ETS1: variants seen among roughly 807,000 people sequenced by gnomAD.
ETS1 encodes protein C-ets-1.
In ETS1, 15 loss-of-function variants were observed where a neutral mutation model predicts 58.6. The ratio of observed to expected loss-of-function variants is 0.26; its 90% confidence interval spans 0.17 to 0.39. ETS1 has a LOEUF of 0.39. ETS1 is among the 10% of genes least tolerant of loss of function. The probability of loss-of-function intolerance (pLI) is 1.00; values close to 1 mark genes in which losing one functional copy is unlikely to be tolerated. For missense variants in ETS1, 417 were observed against 610.5 expected, an observed-to-expected ratio of 0.68 and a Z score of 3.34; for synonymous variants, 214 against 218.2, an observed-to-expected ratio of 0.98 and a Z score of 0.17.
intron 2 of ETS1, among the ~76,000 whole-genome samples, chr11:128,570,525 A>ATTACAG (rs1864606239): frequency 1.3e-5 from 2 of 152,168 alleles, no homozygotes; most frequent in Non-Finnish European, 2.9e-5. Context: ...TACAGGTGTG[A>ATTACAG]GCCACTGAGC....
intron 3 of ETS1, among the ~76,000 whole-genome samples, chr11:128,542,119 C>A (rs984907530): frequency 6.6e-6 from 1 of 152,140 alleles, no homozygotes; most frequent in Admixed American, 6.5e-5. Context: ...ATCACAGTAC[C>A]CCCTACACCT....
At chr11:128,501,873 C>G (rs150800658) in intron 3 of ETS1, among the ~76,000 whole-genome samples, 53 of 152,318 alleles carry the variant, frequency 3.5e-4, no homozygotes, top group African/African-American at 1.3e-3. Flanking sequence ...TGGTCTCCCA[C>G]TTGTGGAGCC....
intron 1 of ETS1, among the ~76,000 whole-genome samples, chr11:128,582,309 A>C (rs944401016): frequency 6.6e-6 from 1 of 152,240 alleles, no homozygotes; most frequent in Non-Finnish European, 1.5e-5. Flanking sequence ...TATAAAATGC[A>C]GGTAATAATA....
chr11:128,551,757 T>A (rs1457210457), intron 3 of ETS1, among the ~76,000 whole-genome samples: 1 of 152,152 alleles, frequency 6.6e-6, no homozygotes, highest in Non-Finnish European at 1.5e-5. Context: ...GAAACCCAGT[T>A]TGGACTCCCA....
chr11:128,522,821 C>T (rs960872069), intron 3 of ETS1, among the ~76,000 whole-genome samples: 1 of 152,186 alleles, frequency 6.6e-6, no homozygotes, highest in African/African-American at 2.4e-5. Flanking sequence ...AGCGTGCAGG[C>T]AGGCGCAGGG....
rs150139005 is a variant in ETS1 at position 128,580,520 on chromosome 11, C to T, written c.-15+6968G>A. On this transcript the variant is annotated intron_variant, in intron 1 of 9. Coordinates refer to ENST00000392668, the MANE Select transcript of ETS1 (RefSeq NM_001143820.2). ...CCCCATGGAAACTTTGTGGTTACAA[C>T]GCATAGAAAAGAAAAAGGATTAGAA... 7.9e-5 allele frequency among the ~76,000 whole-genome samples: 12 copies of T among 152,246 alleles called. No individual in the cohort carries two copies. The East Asian group carries it at 2.3e-3, about 29-fold the overall frequency.
chr11:128,510,678 C>G (rs545102674), intron 3 of ETS1, among the ~76,000 whole-genome samples: 12 of 152,330 alleles, frequency 7.9e-5, no homozygotes, highest in Non-Finnish European at 1.5e-4. Context: ...AAACTTAAAA[C>G]TATTATCTTC....
At chr11:128,469,640 C>T (rs560177138) in intron 8 of ETS1, among the ~76,000 whole-genome samples, 1 of 152,296 alleles carries the variant, frequency 6.6e-6, no homozygotes, top group Admixed American at 6.5e-5. Context: ...AGTTTCTTGG[C>T]CTCTGGACCA....
intron 3 of ETS1, chr11:128,526,772 G>A (rs1311801648): frequency 2.9e-6 from 1 of 347,718 alleles, no homozygotes; most frequent in Non-Finnish European, 5.6e-6. Flanking sequence ...AATTCTGAAA[G>A]AAGATCACAT....
intron 3 of ETS1, among the ~76,000 whole-genome samples, chr11:128,504,821 A>G (rs1863187663): frequency 6.6e-6 from 1 of 152,212 alleles, no homozygotes; most frequent in South Asian, 2.1e-4. Flanking sequence ...CTCCTCCCCA[A>G]GTTATTAAGA....
chr11:128,560,386 T>G (rs1864386043), intron 2 of ETS1, among the ~76,000 whole-genome samples: 1 of 152,218 alleles, frequency 6.6e-6, no homozygotes, highest in Non-Finnish European at 1.5e-5. Flanking sequence ...ATGCTGGGAT[T>G]ACAGGCGTGA....
chr11:128,514,595 C>T (rs1312086801), intron 3 of ETS1, among the ~76,000 whole-genome samples: 1 of 152,186 alleles, frequency 6.6e-6, no homozygotes, highest in Non-Finnish European at 1.5e-5. Flanking sequence ...GAGAGCTTCA[C>T]AGACACAGAA....
At chr11:128,490,289 A>G (rs1052784594) in intron 4 of ETS1, among the ~76,000 whole-genome samples, 168 bp downstream of exon 4, 1 of 152,220 alleles carries the variant, frequency 6.6e-6, no homozygotes, top group Non-Finnish European at 1.5e-5. Context: ...GAGACGGGGC[A>G]GCCTCAGTAT....
chr11:128,564,158 T>G (rs1864451242), intron 2 of ETS1, among the ~76,000 whole-genome samples: 1 of 151,790 alleles, frequency 6.6e-6, no homozygotes, highest in African/African-American at 2.4e-5. Context: ...CCTTGAGAGG[T>G]AAAAGGGAAG....
At position 128,573,078 on chromosome 11, in the gene ETS1, G is replaced by T. The variant is rs1864670441; in HGVS notation, c.53C>A (p.Pro18His). ...AGSSPVPYSA[P>H]RPAVVRQGPS... ...ACCACTCACCACCACTGCAGGACGA[G>T]GCGCTGAGTAAGGGACGGGGCTGCT... Residue 18 changes from proline (P) to histidine (H), a missense_variant, in exon 2 of 10, where the codon CCT becomes CAT. Coordinates refer to ENST00000392668, the MANE Select transcript of ETS1 (RefSeq NM_001143820.2). 1 of 1,604,752 alleles carries T rather than the reference G, an allele frequency of 6.2e-7. No individual in the cohort carries two copies.
chr11:128,554,552 C>G (rs1864283638), intron 3 of ETS1, among the ~76,000 whole-genome samples: 1 of 151,990 alleles, frequency 6.6e-6, no homozygotes. Context: ...CAAAGAGCAG[C>G]ATGAAAAATC....
intron 8 of ETS1, among the ~76,000 whole-genome samples, chr11:128,476,762 G>A (rs552986226): frequency 5.9e-5 from 9 of 152,304 alleles, no homozygotes; most frequent in African/African-American, 1.2e-4. Flanking sequence ...ATGTATCTTC[G>A]AACAAAAGAA....
chr11:128,528,547 C>A (rs1863842858), intron 3 of ETS1, among the ~76,000 whole-genome samples: 1 of 152,182 alleles, frequency 6.6e-6, no homozygotes. Context: ...CTCCTACACT[C>A]TTTAAAGGCA....
chr11:128,546,366 C>T (rs1157819520), intron 3 of ETS1, among the ~76,000 whole-genome samples: 2 of 152,142 alleles, frequency 1.3e-5, no homozygotes, highest in African/African-American at 4.8e-5. Context: ...AGTTTTTCTG[C>T]CATAGTCATT....
Sources: gnomAD v4.1 joint callset for allele counts (sites outside exome capture counted in the v4.1 genomes callset) on GRCh38, gnomAD v4.1.1 for gene constraint, MANE v1.5 for transcripts, NCBI Gene and HGNC (gene_info 2026-07-23, HGNC 2026-07-21) for gene names.